The following CLSTN2 variants were observed in gnomAD, a reference collection of about 807,000 sequenced individuals.
CLSTN2 encodes the protein calsyntenin-2.
In CLSTN2, 48 loss-of-function variants were observed where a neutral mutation model predicts 101.2. The ratio of observed to expected loss-of-function variants is 0.47; its 90% confidence interval spans 0.38 to 0.60. The LOEUF is 0.60. Among genes scored for constraint, CLSTN2 ranks in the 20% least tolerant of loss-of-function variants. CLSTN2 has a pLI of 0.00. For synonymous variants in CLSTN2, 481 were observed against 463.6 expected (o/e 1.04, Z -0.48); for missense variants, 1,160 against 1,238.2 (o/e 0.94, Z 0.95).
chr3:140,177,354 G>A (rs2010340403), intron 2 of CLSTN2, among the ~76,000 whole-genome samples: 1 of 152,174 alleles, frequency 6.6e-6, no homozygotes, highest in South Asian at 2.1e-4. Context: ...GCCAGTCTAG[G>A]AAGACTCTAA....
intron 1 of CLSTN2, among the ~76,000 whole-genome samples, chr3:139,994,391 T>A (rs558612353): frequency 1.3e-5 from 2 of 152,216 alleles, no homozygotes; most frequent in East Asian, 1.9e-4. Context: ...ACCTTGGTAG[T>A]CATCATACCC....
chr3:140,127,713 A>G (rs1414894440), intron 1 of CLSTN2, among the ~76,000 whole-genome samples: 1 of 152,160 alleles, frequency 6.6e-6, no homozygotes, highest in Non-Finnish European at 1.5e-5. Context: ...AGGCTTCAGG[A>G]GTATAGGCTG....
intron 1 of CLSTN2, among the ~76,000 whole-genome samples, chr3:140,151,724 G>A (rs901232569): frequency 6.6e-6 from 1 of 152,074 alleles, no homozygotes; most frequent in African/African-American, 2.4e-5. Flanking sequence ...CCAAAAAGTG[G>A]TATATTGCTC....
chr3:140,528,296 C>T (rs1935184382), intron 8 of CLSTN2, among the ~76,000 whole-genome samples: 1 of 152,106 alleles, frequency 6.6e-6, no homozygotes, highest in Non-Finnish European at 1.5e-5. Context: ...TCTCCCATTG[C>T]CTACAGAATA....
At chr3:140,223,341 GC>G (rs1486171209) in intron 2 of CLSTN2, among the ~76,000 whole-genome samples, 1 of 152,196 alleles carries the variant, frequency 6.6e-6, no homozygotes, top group Non-Finnish European at 1.5e-5. Context: ...GCAGGGCAAT[GC>G]CTAGCTAAGT....
At chr3:140,008,253 G>T (rs771479203) in intron 1 of CLSTN2, among the ~76,000 whole-genome samples, 2 of 152,236 alleles carry the variant, frequency 1.3e-5, no homozygotes. Flanking sequence ...GCTGTGAGCT[G>T]CCTGATTGCC....
chr3:140,414,985 G>A (rs1419639729), intron 4 of CLSTN2, among the ~76,000 whole-genome samples: 1 of 151,782 alleles, frequency 6.6e-6, no homozygotes, highest in Non-Finnish European at 1.5e-5. Flanking sequence ...CATAAAAACA[G>A]ACACATAGAC....
In CLSTN2 at chr3:140,230,214, T is replaced by C. The variant is rs60451954; in HGVS notation, c.232+54141T>C. On this transcript the variant is annotated intron_variant, in intron 2 of 16. Coordinates refer to ENST00000458420, the MANE Select transcript of CLSTN2 (RefSeq NM_022131.3). ...GCATGGTTGCTGATGTATGGGACATTACATACTGATTGCAGTGTTGTGAGG... is the reference window on the plus strand; with the variant it reads ...GCATGGTTGCTGATGTATGGGACATCACATACTGATTGCAGTGTTGTGAGG... Among the ~76,000 whole-genome samples the C allele has an allele frequency of 7.9e-3, 1,205 of 152,244 alleles. 15 individuals carry two copies. The highest frequency in any genetic ancestry group is 0.028 in the African/African-American group (1,158 of 41,556).
At chr3:139,997,003 C>T (rs539929976) in intron 1 of CLSTN2, among the ~76,000 whole-genome samples, 13 of 148,596 alleles carry the variant, frequency 8.7e-5, no homozygotes, top group African/African-American at 7.5e-5. Flanking sequence ...GCCAAGATCG[C>T]GCCATTGCAC....
chr3:140,531,529 G>C (rs923724496), intron 8 of CLSTN2, among the ~76,000 whole-genome samples: 1 of 152,148 alleles, frequency 6.6e-6, no homozygotes, highest in East Asian at 1.9e-4. Flanking sequence ...AGAGGATGCA[G>C]ATGAGAGACA....
chr3:140,284,501 G>A (rs1395561588), intron 2 of CLSTN2, among the ~76,000 whole-genome samples: 1 of 152,090 alleles, frequency 6.6e-6, no homozygotes, highest in Non-Finnish European at 1.5e-5. Context: ...CAAACCGCAG[G>A]GGGTTGCGGA....
At chr3:140,119,989 C>T (rs1358956533) in intron 1 of CLSTN2, among the ~76,000 whole-genome samples, 2 of 152,070 alleles carry the variant, frequency 1.3e-5, no homozygotes, top group East Asian at 1.9e-4. Context: ...AGTCTTATAC[C>T]ACCACAATAA....
intron 8 of CLSTN2, among the ~76,000 whole-genome samples, chr3:140,527,625 C>CA (rs1228436527): frequency 6.6e-6 from 1 of 152,122 alleles, no homozygotes; most frequent in Non-Finnish European, 1.5e-5. Context: ...TTTGTATGTT[C>CA]ATCGCAGCAC....
In CLSTN2 at chr3:140,205,625, A is replaced by ACC. The variant is rs1559806104; in HGVS notation, c.232+29554_232+29555dup. Among the ~76,000 whole-genome samples the ACC allele has an allele frequency of 8.4e-3, 603 of 71,388 alleles. 38 individuals are homozygous for ACC. Among genetic ancestry groups the ACC allele is most frequent in the African/African-American group, 0.021 (564 of 26,758 alleles). 46.8% of individuals were successfully genotyped at this position (71,388 alleles called of 152,430 possible). ...GTTGTTTGGACCTGACCCGCCCCCC[A>ACC]CCCACACACACACACAGCCACCTGC... On this transcript the variant is annotated intron_variant, in intron 2 of 16. Coordinates refer to ENST00000458420, the MANE Select transcript of CLSTN2 (RefSeq NM_022131.3).
At chr3:140,180,557 C>T (rs920551498) in intron 2 of CLSTN2, among the ~76,000 whole-genome samples, 1 of 152,150 alleles carries the variant, frequency 6.6e-6, no homozygotes. Context: ...GCTGGGCACA[C>T]CATGAACTTA....
rs146219727 is a variant in CLSTN2, at chr3:140,456,383, C to T, written c.974-3138C>T. 2.4e-4 allele frequency among the ~76,000 whole-genome samples: 36 copies of T among 152,318 alleles called. 1 individual carries two copies. In the East Asian group the frequency reaches 6.8e-3, roughly 29 times the overall value. ...TGTAACCTGGAATCTTAACGATATT[C>T]ACCGCGCAGATGAGTAACTAAAAAG... is the stretch of plus-strand genomic sequence containing the variant. On this transcript the variant is annotated intron_variant, in intron 6 of 16. Coordinates refer to ENST00000458420, the MANE Select transcript of CLSTN2 (RefSeq NM_022131.3).
intron 2 of CLSTN2, among the ~76,000 whole-genome samples, chr3:140,393,382 C>T (rs977970224): frequency 6.6e-6 from 1 of 152,200 alleles, no homozygotes; most frequent in Non-Finnish European, 1.5e-5. Flanking sequence ...GCCCCTATAT[C>T]TTGAGTGCTC....
intron 9 of CLSTN2, among the ~76,000 whole-genome samples, chr3:140,536,714 A>T (rs574940873): frequency 2.6e-5 from 4 of 152,320 alleles, no homozygotes; most frequent in East Asian, 3.9e-4. Context: ...AATTCTTAAG[A>T]TCTTTAAAAT....
At chr3:140,171,286 C>G (rs2010208479) in intron 1 of CLSTN2, among the ~76,000 whole-genome samples, 1 of 152,116 alleles carries the variant, frequency 6.6e-6, no homozygotes, top group South Asian at 2.1e-4. Context: ...CAGAGCTTCT[C>G]TCTGCCCTGG....
Sources: allele counts gnomAD v4.1 joint callset (sites outside exome capture counted in the v4.1 genomes callset), GRCh38; gene constraint gnomAD v4.1.1; transcripts MANE v1.5; gene names NCBI Gene and HGNC (gene_info 2026-07-23, HGNC 2026-07-21).